FRRS1: variants seen among roughly 807,000 people sequenced by gnomAD.
FRRS1 encodes the protein ferric reductase 1.
FRRS1 carries 51 observed loss-of-function variants against 70.7 expected under a neutral mutation model. That is an observed-to-expected ratio of 0.72 (90% CI 0.58 to 0.91). The LOEUF is 0.91. Among genes scored for constraint, FRRS1 ranks in the 40% least tolerant of loss-of-function variants. The pLI is 0.00. For missense variants in FRRS1, 672 were observed against 726.0 expected, an observed-to-expected ratio of 0.93 and a Z score of 0.86; for synonymous variants, 225 against 238.7, an observed-to-expected ratio of 0.94 and a Z score of 0.53.
At chr1:99,713,103 G>A (rs1199817622) in intron 12 of FRRS1, among the ~76,000 whole-genome samples, 1 of 152,156 alleles carries the variant, frequency 6.6e-6, no homozygotes, top group Admixed American at 6.6e-5. Flanking sequence ...TCTTGCATGT[G>A]TTTAGAATGT....
intron 7 of FRRS1, among the ~76,000 whole-genome samples, chr1:99,737,833 C>T (rs1470986361): frequency 6.6e-6 from 1 of 152,190 alleles, no homozygotes; most frequent in African/African-American, 2.4e-5. Context: ...ACCTCCACCT[C>T]CCAGGTTCAA....
rs1456582755 is a variant in FRRS1 at position 99,707,783 on chromosome 1, C to A, written c.*1245G>T. ...CCTCATAGCACATATGAGATGTAGC[C>A]ATAAAATAGATGAATTCTTGAAATA... On this transcript the variant is annotated 3_prime_UTR_variant, in exon 17 of 17. Transcript: ENST00000646001. Among the ~76,000 whole-genome samples, 2 of 152,094 alleles carry A rather than the reference C, an allele frequency of 1.3e-5. No homozygotes were observed. Among genetic ancestry groups the A allele is most frequent in the Non-Finnish European group, 2.9e-5 (2 of 68,010 alleles).
rs755968793 is a variant in FRRS1 at position 99,710,765 on chromosome 1, T to C, written c.1624+41A>G. Reference sequence around the variant, plus strand: ...GCGCATTCTTTTCCAATGGTTTGTATAGAAGTGCTTCTACATAACATGGCT... The same window carrying C: ...GCGCATTCTTTTCCAATGGTTTGTACAGAAGTGCTTCTACATAACATGGCT... On this transcript the variant is annotated intron_variant, in intron 15 of 16. Coordinates refer to ENST00000646001, the MANE Select transcript of FRRS1 (RefSeq NM_001361041.2). 3.8e-6 allele frequency: 6 copies of C among 1,584,652 alleles called. No individual in the cohort carries two copies. The African/African-American group carries it at 4.0e-5, about 11-fold the overall frequency.
At chr1:99,710,167 T>G (rs1189012818) in intron 15 of FRRS1, among the ~76,000 whole-genome samples, 1 of 152,164 alleles carries the variant, frequency 6.6e-6, no homozygotes, top group Admixed American at 6.5e-5. Flanking sequence ...GAAGGCCACC[T>G]TCACTTATTT....
chr1:99,722,325 T>TA (rs1654874149), intron 9 of FRRS1, among the ~76,000 whole-genome samples: 1 of 152,210 alleles, frequency 6.6e-6, no homozygotes, highest in African/African-American at 2.4e-5. Context: ...AATTCTTTTT[T>TA]ATTTAAACTC....
At chr1:99,749,744 A>G (rs1379750845) in intron 1 of FRRS1, among the ~76,000 whole-genome samples, 1 of 152,206 alleles carries the variant, frequency 6.6e-6, no homozygotes, top group Non-Finnish European at 1.5e-5. Context: ...TAGCATCTGG[A>G]TAATAGAAAA....
intron 7 of FRRS1, among the ~76,000 whole-genome samples, chr1:99,736,801 TAAAA>T: frequency 1.1e-5 from 1 of 93,118 alleles, no homozygotes; most frequent in Non-Finnish European, 1.9e-5. Flanking sequence ...AAAATAAAAA[TAAAA>T]AAGAATAAAA....
At chr1:99,731,177 G>T (rs1448080722) in intron 7 of FRRS1, among the ~76,000 whole-genome samples, 2 of 152,140 alleles carry the variant, frequency 1.3e-5, no homozygotes, top group Admixed American at 6.5e-5. Flanking sequence ...ATGGCACAAA[G>T]GAATAATCTT....
intron 4 of FRRS1, among the ~76,000 whole-genome samples, chr1:99,746,024 G>A (rs1187073178): frequency 4.6e-5 from 7 of 152,122 alleles, no homozygotes; most frequent in Admixed American, 3.3e-4. Flanking sequence ...TGCCATGCTT[G>A]TACAGCCTGC....
chr1:99,738,352 G>A (rs753112622), intron 6 of FRRS1, 84 bp from the exon 7 acceptor site: 181 of 926,422 alleles, frequency 2.0e-4, no homozygotes, highest in Admixed American at 7.7e-4. Context: ...CTACCTTCAA[G>A]TACGGGTAGC....
chr1:99,733,888 C>T (rs2095786), intron 7 of FRRS1, among the ~76,000 whole-genome samples: 75,131 of 152,038 alleles, frequency 0.49, 22,567 homozygotes, highest in African/African-American at 0.85. Flanking sequence ...AAAAAGAAAA[C>T]AGACTTCATG....
intron 6 of FRRS1, 69 bp downstream of exon 6, chr1:99,740,721 CAGG>C (rs750460162): frequency 9.7e-7 from 1 of 1,030,736 alleles, no homozygotes; most frequent in Non-Finnish European, 1.5e-6. Flanking sequence ...CACTTGAGCT[CAGG>C]AGTTCGAGAC....
chr1:99,725,274 G>A (rs12024467), intron 9 of FRRS1, among the ~76,000 whole-genome samples: 45,050 of 152,108 alleles, frequency 0.3, 6,819 homozygotes, highest in African/African-American at 0.34. Context: ...TCCATGGCCC[G>A]TCGGTTGGGG....
chr1:99,744,949 G>A (rs552646174), intron 4 of FRRS1, among the ~76,000 whole-genome samples: 15 of 129,946 alleles, frequency 1.2e-4, no homozygotes, highest in African/African-American at 3.0e-4. Context: ...CAGCCTGGGC[G>A]ACAGAGGGAG....
Position 99,748,913 on chromosome 1 carries a change from G to T in FRRS1, c.-17C>A, listed in dbSNP as rs1656425275. 1.8e-6 allele frequency: 1 copy of T among 568,540 alleles called. No individual in the cohort carries two copies. The highest frequency in any genetic ancestry group is 3.0e-6 in the Non-Finnish European group (1 of 330,240). 35.2% of individuals were successfully genotyped at this position (568,540 alleles called of 1,614,324 possible). ...TCAACATACCTGATAAAAAGAATGT[G>T]ATATGTGAAGTTTCACCCGAATTTC... On this transcript the variant is annotated 5_prime_UTR_variant, in exon 2 of 17. Coordinates refer to ENST00000646001, the MANE Select transcript of FRRS1 (RefSeq NM_001361041.2).
At chr1:99,735,819 TAC>T (rs1307442524) in intron 7 of FRRS1, among the ~76,000 whole-genome samples, 8 of 152,210 alleles carry the variant, frequency 5.3e-5, no homozygotes, top group Non-Finnish European at 8.8e-5. Flanking sequence ...GGCTACTCAT[TAC>T]CATACTGAAT....
intron 1 of FRRS1, among the ~76,000 whole-genome samples, chr1:99,761,133 G>C (rs191440142): frequency 1.3e-5 from 2 of 151,724 alleles, no homozygotes; most frequent in Non-Finnish European, 2.9e-5. Flanking sequence ...TTTGTTTTGG[G>C]GGGGTGGGGG....
At chr1:99,735,746 G>A (rs1027786393) in intron 7 of FRRS1, among the ~76,000 whole-genome samples, 4 of 152,156 alleles carry the variant, frequency 2.6e-5, no homozygotes, top group African/African-American at 9.7e-5. Context: ...TCTTGAATTA[G>A]AGAGAAATGC....
At chr1:99,742,652 ACG>A (rs912250441) in intron 4 of FRRS1, among the ~76,000 whole-genome samples, 1 of 152,230 alleles carries the variant, frequency 6.6e-6, no homozygotes, top group Non-Finnish European at 1.5e-5. Flanking sequence ...GCCTTCAAAT[ACG>A]TAGCATGATA....
Sources: gnomAD v4.1 joint callset for allele counts (sites outside exome capture counted in the v4.1 genomes callset) on GRCh38, gnomAD v4.1.1 for gene constraint, MANE v1.5 for transcripts, NCBI Gene and HGNC (gene_info 2026-07-23, HGNC 2026-07-21) for gene names.